CAMTA1: variants seen among roughly 807,000 people sequenced by gnomAD.
CAMTA1 encodes the protein calmodulin-binding transcription activator 1.
Under a neutral mutation model 170.9 loss-of-function variants are expected in CAMTA1, and 27 were observed. That is an observed-to-expected ratio of 0.16 (90% CI 0.12 to 0.22). The LOEUF is 0.22. CAMTA1 is among the 10% of genes least tolerant of loss of function. The pLI, the probability that CAMTA1 is intolerant of heterozygous loss-of-function variation, is 1.00. For missense variants in CAMTA1, 1,619 were observed against 2,217.2 expected (o/e 0.73, Z 5.42); for synonymous variants, 833 against 891.5 (o/e 0.93, Z 1.17).
intron 4 of CAMTA1, among the ~76,000 whole-genome samples, chr1:7,096,444 C>G (rs942929373): frequency 6.6e-6 from 1 of 152,226 alleles, no homozygotes; most frequent in Non-Finnish European, 1.5e-5. Flanking sequence ...ACATCCGACT[C>G]TGTCTCCCCG....
At chr1:7,336,170 C>G (rs1337071556) in intron 5 of CAMTA1, among the ~76,000 whole-genome samples, 2 of 152,210 alleles carry the variant, frequency 1.3e-5, no homozygotes, top group Admixed American at 6.5e-5. Context: ...CAGTGTTGTT[C>G]ACAGTGTGGG....
chr1:7,172,137 A>G lies in CAMTA1; in HGVS notation c.303-77354A>G, dbSNP rs531422801. 4.6e-5 allele frequency among the ~76,000 whole-genome samples: 7 copies of G among 151,448 alleles called. No individual in the cohort carries two copies. In the South Asian group the frequency reaches 8.3e-4, roughly 18 times the overall value. On this transcript the variant is annotated intron_variant, in intron 4 of 22. Transcript: ENST00000303635. Reference sequence around the variant, plus strand: ...TTCAGGTTGAATCAAGTGGAGGTGGAGATCTTGTCCTGTGACTTCTCTTTT... The same window carrying G: ...TTCAGGTTGAATCAAGTGGAGGTGGGGATCTTGTCCTGTGACTTCTCTTTT...
At chr1:6,985,847 GACTA>G (rs1695266584) in intron 3 of CAMTA1, among the ~76,000 whole-genome samples, 2 of 152,178 alleles carry the variant, frequency 1.3e-5, no homozygotes, top group Admixed American at 1.3e-4. Context: ...ACACATCGCT[GACTA>G]ACAAATGAGG....
Position 7,509,423 on chromosome 1 carries a change from G to A in CAMTA1, c.510+41522G>A, listed in dbSNP as rs74528821. 5.8e-3 allele frequency among the ~76,000 whole-genome samples: 887 copies of A among 152,252 alleles called. 4 individuals carry two copies. Among genetic ancestry groups the A allele is most frequent in the Admixed American group, 8.5e-3 (130 of 15,298 alleles). On this transcript the variant is annotated intron_variant, in intron 6 of 22. Transcript: ENST00000303635. ...GAACAGAGAGAAAACACCGTGACACGGGTTTGATTTCTAAACTGTCGGACC... is the reference window on the plus strand; with the variant it reads ...GAACAGAGAGAAAACACCGTGACACAGGTTTGATTTCTAAACTGTCGGACC...
Position 7,286,341 on chromosome 1 carries a change from T to C in CAMTA1, c.438+36715T>C, listed in dbSNP as rs1171241589. Among the ~76,000 whole-genome samples the C allele has an allele frequency of 6.6e-6, 1 of 152,152 alleles. No individual in the cohort carries two copies. Among genetic ancestry groups the C allele is most frequent in the Non-Finnish European group, 1.5e-5 (1 of 68,030 alleles). On this transcript the variant is annotated intron_variant, in intron 5 of 22. Coordinates refer to ENST00000303635, the MANE Select transcript of CAMTA1 (RefSeq NM_015215.4). The surrounding 1 kb of genome is among the most constrained non-coding windows in gnomAD (Gnocchi z 4.2). ...AGCTGCCCCAGCAACGATTCTTGAT[T>C]TGAGGTCTATGGGTGGTCCTGGAAG...
chr1:7,425,840 C>T (rs1468246229), intron 5 of CAMTA1, among the ~76,000 whole-genome samples: 1 of 152,184 alleles, frequency 6.6e-6, no homozygotes, highest in African/African-American at 2.4e-5. Flanking sequence ...GCCCTGGTCT[C>T]ACTCTGTAGC....
chr1:7,677,685 G>A lies in CAMTA1; in HGVS notation c.2866G>A (p.Ala956Thr). The A allele has an allele frequency of 6.2e-7, 1 of 1,614,134 alleles. No homozygotes were observed. The highest frequency in any genetic ancestry group is 8.5e-7 in the Non-Finnish European group (1 of 1,180,008). The change falls in exon 11 of 23, where the codon GCT (alanine) becomes ACT (threonine). Residue 956 changes from alanine to threonine, a missense_variant. By Grantham distance (58) the Ala-to-Thr change is moderately conservative (BLOSUM62 0). Transcript: ENST00000303635. ...GGTGGTGTTTGAGTACAAAGCCCGG[G>A]CTCTGCCCACGCTCCCTTCCTCCCA... Reference protein sequence around the residue: ...NSVVFEYKARALPTLPSSQHD... With the variant: ...NSVVFEYKARTLPTLPSSQHD...
At chr1:6,919,907 T>A (rs1012939873) in intron 3 of CAMTA1, among the ~76,000 whole-genome samples, 1 of 149,854 alleles carries the variant, frequency 6.7e-6, no homozygotes, top group Admixed American at 6.7e-5. Flanking sequence ...GTCCCCCCCA[T>A]AACACGTGGG....
chr1:7,609,207 G>A lies in CAMTA1; in HGVS notation c.511-31193G>A, dbSNP rs908954212. ...CACAGACAGGGGTTTATGATGAGCCGGCTTGCTCATCCTTGAGCCTGGGTT... is the reference window on the plus strand; with the variant it reads ...CACAGACAGGGGTTTATGATGAGCCAGCTTGCTCATCCTTGAGCCTGGGTT... On this transcript the variant is annotated intron_variant, in intron 6 of 22. Transcript: ENST00000303635. The surrounding 1 kb of genome is among the most constrained non-coding windows in gnomAD (Gnocchi z 4.4). Among the ~76,000 whole-genome samples, 5 of 152,020 alleles carry A rather than the reference G, an allele frequency of 3.3e-5. No individual in the cohort carries two copies. The highest frequency in any genetic ancestry group is 5.9e-5 in the Non-Finnish European group (4 of 67,990).
rs2096738483 is a variant in CAMTA1, at chr1:7,732,142, G to A, written c.2915-306G>A. Among the ~76,000 whole-genome samples the A allele has an allele frequency of 6.6e-6, 1 of 151,764 alleles. No individual in the cohort carries two copies. Among genetic ancestry groups the A allele is most frequent in the South Asian group, 2.1e-4 (1 of 4,818 alleles). ...GGCTCTCTACCAGATCTCATGTCAG[G>A]GTTTCCGTTGGGGAATTTGACAAAG... On this transcript the variant is annotated intron_variant, in intron 11 of 22. Coordinates refer to ENST00000303635, the MANE Select transcript of CAMTA1 (RefSeq NM_015215.4). This position sits in a 1 kb window ranked among gnomAD's most constrained non-coding sequence, Gnocchi z 4.1.
rs1480198697 is a variant in CAMTA1, at chr1:7,742,786, G to A, written c.4183-2049G>A. Among the ~76,000 whole-genome samples, 6 of 152,110 alleles carry A rather than the reference G, an allele frequency of 3.9e-5. 1 individual carries two copies. Among genetic ancestry groups the A allele is most frequent in the East Asian group, 3.9e-4 (2 of 5,194 alleles). Reference sequence around the variant, plus strand: ...AATAAAGCAAGATTTACTTCCTACCGTTTGAGTCACAAATCAAGACGGCCA... The same window carrying A: ...AATAAAGCAAGATTTACTTCCTACCATTTGAGTCACAAATCAAGACGGCCA... On this transcript the variant is annotated intron_variant, in intron 16 of 22. Transcript: ENST00000303635.
intron 7 of CAMTA1, among the ~76,000 whole-genome samples, chr1:7,659,649 C>T (rs571666737): frequency 1.3e-5 from 2 of 152,236 alleles, no homozygotes; most frequent in Admixed American, 6.5e-5. Context: ...CGCAGTGTTC[C>T]GGGGCTGAGC....
At position 7,695,312 on chromosome 1, in the gene CAMTA1, G is replaced by A. The variant is rs557007261; in HGVS notation, c.2914+17579G>A. Among the ~76,000 whole-genome samples, 16 of 152,326 alleles carry A rather than the reference G, an allele frequency of 1.1e-4. 1 individual carries two copies. Among genetic ancestry groups the A allele is most frequent in the African/African-American group, 3.6e-4 (15 of 41,574 alleles). ...GGCAAGAGCGAGCTCTGAGCAGAGA[G>A]AAGAGGGCGCGGCAGGGAGCCTGAA... is the stretch of plus-strand genomic sequence containing the variant. On this transcript the variant is annotated intron_variant, in intron 11 of 22. Coordinates refer to ENST00000303635, the MANE Select transcript of CAMTA1 (RefSeq NM_015215.4).
intron 6 of CAMTA1, among the ~76,000 whole-genome samples, chr1:7,603,052 T>C (rs1414612746): frequency 6.6e-6 from 1 of 152,204 alleles, no homozygotes; most frequent in Admixed American, 6.5e-5. Context: ...GAGAGACAGC[T>C]TGTTATAATT....
intron 7 of CAMTA1, among the ~76,000 whole-genome samples, chr1:7,644,486 G>A (rs2095789774): frequency 6.6e-6 from 1 of 152,198 alleles, no homozygotes; most frequent in African/African-American, 2.4e-5. Context: ...TGGCTTTCAT[G>A]TCACAGTTCA....
chr1:7,147,538 C>T (rs1460110539), intron 4 of CAMTA1, among the ~76,000 whole-genome samples: 3 of 148,668 alleles, frequency 2.0e-5, no homozygotes, highest in African/African-American at 2.5e-5. Context: ...CTCAAACATA[C>T]ACTATGCACA....
Position 7,270,291 on chromosome 1 carries a change from A to ATATATATT in CAMTA1, c.438+20666_438+20667insATATATTT, listed in dbSNP as rs1336977888. 6.0e-4 allele frequency among the ~76,000 whole-genome samples: 66 copies of ATATATATT among 110,540 alleles called. 2 individuals are homozygous for ATATATATT. Among genetic ancestry groups the ATATATATT allele is most frequent in the African/African-American group, 2.1e-3 (63 of 29,662 alleles). The allele number at this position is 110,540 out of a possible 152,430, so 72.5% of individuals were successfully genotyped here. Reference sequence around the variant, plus strand: ...CACACACACATATATATATATATATATTTTTTTTTTTTTTTCTTGTGAGAT... The same window carrying ATATATATT: ...CACACACACATATATATATATATATATATATATTTTTTTTTTTTTTTTTCTTGTGAGAT... On this transcript the variant is annotated intron_variant, in intron 5 of 22. Coordinates refer to ENST00000303635, the MANE Select transcript of CAMTA1 (RefSeq NM_015215.4).
intron 6 of CAMTA1, among the ~76,000 whole-genome samples, chr1:7,514,183 C>T (rs1485685363): frequency 6.6e-6 from 1 of 152,232 alleles, no homozygotes; most frequent in Admixed American, 6.5e-5. Context: ...ACATCTGGCT[C>T]AGATCTCCAT....
At chr1:7,243,050 G>C (rs1665167316) in intron 4 of CAMTA1, among the ~76,000 whole-genome samples, 4 of 152,126 alleles carry the variant, frequency 2.6e-5, no homozygotes, top group Admixed American at 2.6e-4. Flanking sequence ...TACTGAATTT[G>C]TATGTGTAAG....
Sources: allele counts gnomAD v4.1 joint callset (sites outside exome capture counted in the v4.1 genomes callset), GRCh38; gene constraint gnomAD v4.1.1; non-coding constraint Gnocchi (gnomAD v3.1); transcripts MANE v1.5; gene names NCBI Gene and HGNC (gene_info 2026-07-23, HGNC 2026-07-21).